ANO10: variants seen among roughly 807,000 people sequenced by gnomAD.
ANO10 encodes the protein anoctamin-10.
ANO10 carries 77 observed loss-of-function variants against 74.7 expected under a neutral mutation model. That is an observed-to-expected ratio of 1.03 (90% confidence interval 0.86 to 1.25). ANO10 has a LOEUF of 1.25. Among genes scored for constraint, ANO10 ranks in the 50% most tolerant of loss-of-function variants. The pLI is 0.00. For synonymous variants in ANO10, 279 were observed against 284.9 expected (o/e 0.98, Z 0.21); for missense variants, 721 against 778.1 (o/e 0.93, Z 0.87).
intron 8 of ANO10, among the ~76,000 whole-genome samples, chr3:43,564,263 G>C (rs1268363917): frequency 6.6e-6 from 1 of 151,934 alleles, no homozygotes; most frequent in Non-Finnish European, 1.5e-5. Flanking sequence ...TGAACTCCTG[G>C]GCTCAAGCAA....
chr3:43,642,538 A>G (rs912982912), intron 1 of ANO10, among the ~76,000 whole-genome samples: 1 of 152,166 alleles, frequency 6.6e-6, no homozygotes, highest in Non-Finnish European at 1.5e-5. Context: ...TTTCCATTTT[A>G]GGATTTTACT....
At chr3:43,686,489 T>C (rs1014391975) in intron 1 of ANO10, among the ~76,000 whole-genome samples, 46 of 152,090 alleles carry the variant, frequency 3.0e-4, no homozygotes, top group Non-Finnish European at 4.4e-5. Flanking sequence ...TCTTGCCACG[T>C]TGCCCAAGCT....
At chr3:43,470,719 C>T (rs1049956982) in intron 11 of ANO10, among the ~76,000 whole-genome samples, 14 of 151,822 alleles carry the variant, frequency 9.2e-5, no homozygotes, top group Middle Eastern at 3.2e-3. Context: ...CTCAACCTCC[C>T]GGGCTCAAGC....
rs6801263 is a variant in ANO10 at position 43,627,948 on chromosome 3, G to A, written c.-11-22085C>T. Reference sequence around the variant, plus strand: ...TGTCACCAGGCTGGAGTGCAGTGGCGCTATCTAGGCTTACCACAATCTCCG... The same window carrying A: ...TGTCACCAGGCTGGAGTGCAGTGGCACTATCTAGGCTTACCACAATCTCCG... On this transcript the variant is annotated intron_variant, in intron 1 of 3. Coordinates refer to the ANO10 transcript ENST00000413397. Among the ~76,000 whole-genome samples, 605 of 152,060 alleles carry A rather than the reference G, an allele frequency of 4.0e-3. 6 individuals are homozygous for A. The highest frequency in any genetic ancestry group is 0.014 in the African/African-American group (574 of 41,448).
chr3:43,402,615 G>A (rs184510033), intron 12 of ANO10, among the ~76,000 whole-genome samples: 1 of 152,132 alleles, frequency 6.6e-6, no homozygotes, highest in East Asian at 1.9e-4. Flanking sequence ...AAGGAATCCT[G>A]GTCTTTTCCC....
intron 1 of ANO10, among the ~76,000 whole-genome samples, chr3:43,650,439 GTCCTTTTTGGGT>G: frequency 6.6e-6 from 1 of 152,120 alleles, no homozygotes; most frequent in South Asian, 2.1e-4. Context: ...CAAGTCTGGT[GTCCTTTTTGGGT>G]AGTTAGAAAA....
At chr3:43,476,621 T>C (rs564747892) in intron 11 of ANO10, among the ~76,000 whole-genome samples, 12 of 152,350 alleles carry the variant, frequency 7.9e-5, no homozygotes, top group African/African-American at 2.6e-4. Flanking sequence ...TCTTGGTTTA[T>C]GGAGTTTTCT....
At chr3:43,577,372 C>T (rs1381001820) in intron 5 of ANO10, 111 bp from the exon 6 acceptor site, 7 of 1,062,518 alleles carry the variant, frequency 6.6e-6, no homozygotes, top group African/African-American at 3.2e-5. Flanking sequence ...TCAACCCTCA[C>T]TTCCCAAACA....
chr3:43,666,382 T>TA (rs1481120455), intron 1 of ANO10, among the ~76,000 whole-genome samples: 3 of 152,186 alleles, frequency 2.0e-5, no homozygotes, highest in African/African-American at 7.2e-5. Context: ...ACCTCGTAAT[T>TA]AGTTTTCTGT....
chr3:43,530,286 C>T (rs975192871), intron 11 of ANO10, among the ~76,000 whole-genome samples: 1 of 151,816 alleles, frequency 6.6e-6, no homozygotes, highest in Admixed American at 6.6e-5. Context: ...AACAGGAATA[C>T]GCTATTGAAT....
At chr3:43,654,247 A>G (rs536606520) in intron 1 of ANO10, among the ~76,000 whole-genome samples, 4 of 152,324 alleles carry the variant, frequency 2.6e-5, no homozygotes, top group Admixed American at 1.3e-4. Context: ...GAAGAAAGGG[A>G]AAAAATCCCA....
intron 10 of ANO10, 107 bp downstream of exon 10, chr3:43,555,171 A>C: frequency 8.7e-7 from 1 of 1,146,592 alleles, no homozygotes; most frequent in Non-Finnish European, 1.3e-6. Flanking sequence ...AAACAAATTC[A>C]GTTTTCCTAA....
intron 11 of ANO10, among the ~76,000 whole-genome samples, chr3:43,441,709 A>G (rs1300629219): frequency 6.6e-6 from 1 of 152,186 alleles, no homozygotes; most frequent in Non-Finnish European, 1.5e-5. Context: ...TTTAAAAAAG[A>G]AAACTATAGT....
intron 11 of ANO10, among the ~76,000 whole-genome samples, chr3:43,450,893 A>G (rs2074835594): frequency 6.6e-6 from 1 of 152,240 alleles, no homozygotes; most frequent in African/African-American, 2.4e-5. Flanking sequence ...ATCCATTCAC[A>G]GATGAATTTC....
At chr3:43,574,671 A>C in intron 7 of ANO10, 138 bp downstream of exon 7, 1 of 710,780 alleles carries the variant, frequency 1.4e-6, no homozygotes, top group Non-Finnish European at 2.5e-6. Context: ...ACACATATTT[A>C]TTAATCAATC....
upstream of ANO10, among the ~76,000 whole-genome samples, chr3:43,626,028 G>T (rs1188409886): frequency 6.6e-6 from 1 of 151,796 alleles, no homozygotes; most frequent in Admixed American, 6.6e-5. Context: ...CCGCCTCACG[G>T]GTTCAAATGC....
upstream of ANO10, among the ~76,000 whole-genome samples, chr3:43,625,589 G>A (rs537722522): frequency 1.4e-4 from 21 of 152,226 alleles, no homozygotes; most frequent in East Asian, 3.1e-3. Context: ...ATTTTAAGTC[G>A]TATTTTTCTT....
chr3:43,391,287 C>T (rs563641360), intron 12 of ANO10, among the ~76,000 whole-genome samples: 17 of 152,056 alleles, frequency 1.1e-4, no homozygotes, highest in South Asian at 2.1e-4. Context: ...CAAAAACAGA[C>T]GGGAAGTTCT....
At chr3:43,441,247 T>C (rs1575813776) in intron 11 of ANO10, among the ~76,000 whole-genome samples, 1 of 146,098 alleles carries the variant, frequency 6.8e-6, no homozygotes, top group Non-Finnish European at 1.5e-5. Flanking sequence ...AAAGTAAGAG[T>C]TGGTCTTTCG....
Sources: allele counts gnomAD v4.1 joint callset (sites outside exome capture counted in the v4.1 genomes callset), GRCh38; gene constraint gnomAD v4.1.1; transcripts MANE v1.5; gene names NCBI Gene and HGNC (gene_info 2026-07-23, HGNC 2026-07-21).